Variants in TTC39B observed in about 807,000 individuals in gnomAD.
TTC39B encodes tetratricopeptide repeat protein 39B.
Under a neutral mutation model 96.6 loss-of-function variants are expected in TTC39B, and 92 were observed. That is an observed-to-expected ratio of 0.95 (90% CI 0.80 to 1.13). TTC39B has a LOEUF of 1.13. TTC39B is among the 50% of genes most tolerant of loss of function. The pLI is 0.00. For synonymous variants in TTC39B, 367 were observed against 299.4 expected (o/e 1.23, Z -2.33); for missense variants, 955 against 809.3 (o/e 1.18, Z -2.18).
At chr9:15,262,092 ATTTAT>A (rs1186406744) in intron 2 of TTC39B, among the ~76,000 whole-genome samples, 1 of 151,744 alleles carries the variant, frequency 6.6e-6, no homozygotes, top group African/African-American at 2.4e-5. Flanking sequence ...TTTTTATTTT[ATTTAT>A]TTTATTATTA....
intron 1 of TTC39B, among the ~76,000 whole-genome samples, chr9:15,274,848 A>AT (rs1341607495): frequency 1.8e-4 from 28 of 152,280 alleles, no homozygotes; most frequent in Non-Finnish European, 1.9e-4. Context: ...AGAAATAGGG[A>AT]TTAAAAAAAT....
intron 1 of TTC39B, among the ~76,000 whole-genome samples, chr9:15,300,891 C>CA (rs71491658): frequency 0.42 from 33,400 of 79,870 alleles, 11,204 homozygotes; most frequent in Non-Finnish European, 0.58. Flanking sequence ...AACTCCGTCT[C>CA]AAAAAAAAAA....
chr9:15,217,871 A>G (rs1480970213), intron 3 of TTC39B, among the ~76,000 whole-genome samples: 1 of 152,130 alleles, frequency 6.6e-6, no homozygotes, highest in African/African-American at 2.4e-5. Context: ...TTGGCTCACC[A>G]TACCTGTCCA....
At chr9:15,252,859 ACTGT>A (rs1464867885) in intron 2 of TTC39B, among the ~76,000 whole-genome samples, 1 of 152,200 alleles carries the variant, frequency 6.6e-6, no homozygotes, top group Non-Finnish European at 1.5e-5. Context: ...TTCTTACAAA[ACTGT>A]CTATTAAAAA....
intron 5 of TTC39B, among the ~76,000 whole-genome samples, chr9:15,210,478 C>T (rs1455557078): frequency 2.0e-5 from 3 of 152,238 alleles, no homozygotes; most frequent in African/African-American, 7.2e-5. Flanking sequence ...GTAAAATTCT[C>T]CACAGGTTAA....
exon 16 of TTC39B, chr9:15,185,297 G>C: frequency 6.2e-7 from 1 of 1,613,110 alleles, no homozygotes; most frequent in Middle Eastern, 1.7e-4. Context: ...GGTAAGATGA[G>C]CTTCACAGGT....
At chr9:15,214,048 G>C (rs1028367086) in intron 4 of TTC39B, 91 bp downstream of exon 4, 5 of 958,370 alleles carry the variant, frequency 5.2e-6, no homozygotes, top group Non-Finnish European at 7.9e-6. Flanking sequence ...TATTCAGATG[G>C]GAACAGCTAA....
chr9:15,294,214 G>GA (rs35270563), intron 1 of TTC39B, among the ~76,000 whole-genome samples: 6 of 151,372 alleles, frequency 4.0e-5, no homozygotes, highest in Non-Finnish European at 5.9e-5. Context: ...CTAGCAGCTG[G>GA]AAAAAAAAAA....
intron 2 of TTC39B, among the ~76,000 whole-genome samples, chr9:15,236,059 C>T (rs1308339090): frequency 1.3e-5 from 2 of 152,196 alleles, no homozygotes; most frequent in Non-Finnish European, 1.5e-5. Flanking sequence ...CAACCATCTG[C>T]TGCCTACAAG....
chr9:15,288,000 C>T (rs929084260), intron 1 of TTC39B, among the ~76,000 whole-genome samples: 3 of 148,838 alleles, frequency 2.0e-5, no homozygotes, highest in Non-Finnish European at 3.0e-5. Context: ...TAAGCTAGTA[C>T]CTTTCCTTTG....
intron 2 of TTC39B, among the ~76,000 whole-genome samples, chr9:15,240,488 T>G (rs1049524048): frequency 6.6e-6 from 1 of 152,104 alleles, no homozygotes; most frequent in Non-Finnish European, 1.5e-5. Context: ...AGATTCTTTG[T>G]ACTTTTCAAT....
At chr9:15,282,460 T>G (rs946032800) in intron 1 of TTC39B, among the ~76,000 whole-genome samples, 1 of 152,232 alleles carries the variant, frequency 6.6e-6, no homozygotes, top group Admixed American at 6.5e-5. Context: ...AATCTTAACA[T>G]GGTGCTACTC....
In TTC39B at chr9:15,306,853, G is replaced by A. The variant is rs757025490; in HGVS notation, c.240+231C>T. ...CTCCATCCCCACGACTCGCGGGGCC[G>A]GCGCTCCGAACCTCGGCACTGCGTC... On this transcript the variant is annotated intron_variant, in intron 1 of 19. Coordinates refer to ENST00000512701, the Ensembl canonical transcript of TTC39B. This position sits in a 1 kb window ranked among gnomAD's most constrained non-coding sequence, Gnocchi z 5.1. 5.9e-5 allele frequency among the ~76,000 whole-genome samples: 9 copies of A among 152,108 alleles called. No homozygotes were observed. Among genetic ancestry groups the A allele is most frequent in the Non-Finnish European group, 1.3e-4 (9 of 68,000 alleles).
rs1000061952 is a variant in TTC39B, at chr9:15,199,936, T to C, written c.760-11A>G. ...GATCATATTTTCATCCTGAAAATAA[T>C]TCAGTTAAAAAATTAGATTATTTAG... is the stretch of plus-strand genomic sequence containing the variant. On this transcript the variant is annotated splice_polypyrimidine_tract_variant and intron_variant, in intron 7 of 19. Transcript: ENST00000512701. 4 of 1,512,536 alleles carry C rather than the reference T, an allele frequency of 2.6e-6. No homozygotes were observed. The highest frequency in any genetic ancestry group is 3.6e-6 in the Non-Finnish European group (4 of 1,102,016). 93.7% of individuals were successfully genotyped at this position (1,512,536 alleles called of 1,614,324 possible).
exon 19 of TTC39B, chr9:15,175,020 T>A (rs1817854094): frequency 6.2e-7 from 1 of 1,610,572 alleles, no homozygotes; most frequent in Non-Finnish European, 8.5e-7. Flanking sequence ...AACACTTACC[T>A]TGCAGTTTCT....
chr9:15,269,144 G>A (rs771581267), intron 1 of TTC39B, among the ~76,000 whole-genome samples: 4 of 152,150 alleles, frequency 2.6e-5, no homozygotes, highest in Non-Finnish European at 4.4e-5. Context: ...ACCTCCTCAA[G>A]AAGAACATCT....
At chr9:15,195,768 C>A (rs747472567) in intron 8 of TTC39B, among the ~76,000 whole-genome samples, 1 of 151,102 alleles carries the variant, frequency 6.6e-6, no homozygotes, top group Non-Finnish European at 1.5e-5. Flanking sequence ...AGATCACTGA[C>A]GAAGGTGGCT....
intron 17 of TTC39B, 26 bp from the exon 18 acceptor site, chr9:15,177,840 AAC>A: frequency 7.1e-7 from 1 of 1,404,858 alleles, no homozygotes; most frequent in Non-Finnish European, 9.8e-7. Context: ...ATACAAAGAA[AAC>A]ACACAAAGAA....
intron 2 of TTC39B, among the ~76,000 whole-genome samples, chr9:15,258,962 T>C (rs1363578763): frequency 1.3e-5 from 2 of 152,174 alleles, no homozygotes; most frequent in Non-Finnish European, 2.9e-5. Flanking sequence ...TGTGAATTTA[T>C]ATGAAGAACT....
Sources: allele counts gnomAD v4.1 joint callset (sites outside exome capture counted in the v4.1 genomes callset), GRCh38; gene constraint gnomAD v4.1.1; non-coding constraint Gnocchi (gnomAD v3.1); transcripts MANE v1.5; gene names NCBI Gene and HGNC (gene_info 2026-07-23, HGNC 2026-07-21).